SNTB1: variants seen among roughly 807,000 people sequenced by gnomAD.
SNTB1 encodes the protein syntrophin beta 1, also known as beta-1-syntrophin.
Under a neutral mutation model 48.9 loss-of-function variants are expected in SNTB1, and 36 were observed. The ratio of observed to expected loss-of-function variants is 0.74; its 90% CI spans 0.56 to 0.97. The LOEUF (loss-of-function observed/expected upper bound fraction) is 0.97. Ranked by LOEUF, SNTB1 falls within the 50% of genes least tolerant of loss-of-function variation. SNTB1 has a pLI of 0.00. For synonymous variants in SNTB1, 299 were observed against 294.6 expected, an observed-to-expected ratio of 1.01 and a Z score of -0.15; for missense variants, 786 against 703.4, an observed-to-expected ratio of 1.12 and a Z score of -1.33.
intron 1 of SNTB1, chr8:120,769,228 G>C (rs1819578313): frequency 6.6e-6 from 1 of 150,456 alleles, no homozygotes; most frequent in East Asian, 2.0e-4. Context: ...CACCAATAGA[G>C]TTGATTATTT....
At chr8:120,719,185 G>A (rs1818612205) in intron 1 of SNTB1, among the ~76,000 whole-genome samples, 1 of 152,096 alleles carries the variant, frequency 6.6e-6, no homozygotes, top group Non-Finnish European at 1.5e-5. Context: ...TGAGTCAGTG[G>A]GCTGAGAAAG....
At chr8:120,661,926 G>A (rs537432527) in intron 2 of SNTB1, among the ~76,000 whole-genome samples, 1 of 152,274 alleles carries the variant, frequency 6.6e-6, no homozygotes, top group South Asian at 2.1e-4. Context: ...TGTGCTGGAG[G>A]CAATTTTAAC....
intron 1 of SNTB1, among the ~76,000 whole-genome samples, chr8:120,789,229 G>A (rs1007806424): frequency 6.6e-6 from 1 of 151,870 alleles, no homozygotes; most frequent in East Asian, 1.9e-4. Context: ...AAACCTCTGG[G>A]ATATAGCAAA....
In SNTB1 at chr8:120,753,114, T is replaced by A. The variant is rs572845515; in HGVS notation, c.571+58159A>T. 2.0e-5 allele frequency among the ~76,000 whole-genome samples: 3 copies of A among 151,620 alleles called. No individual in the cohort carries two copies. In the East Asian group the frequency reaches 5.9e-4, roughly 30 times the overall value. ...GTGTTTCAGAGGCCCTGGAGGAACA[T>A]CACAGTTGGGCCATCACAGGCAGTT... On this transcript the variant is annotated intron_variant, in intron 1 of 6. Transcript: ENST00000517992.
chr8:120,789,080 C>G (rs959741206), intron 1 of SNTB1, among the ~76,000 whole-genome samples: 1 of 151,880 alleles, frequency 6.6e-6, no homozygotes, highest in Non-Finnish European at 1.5e-5. Flanking sequence ...GAAATCAATT[C>G]CAAAAGTAAC....
At chr8:120,749,796 G>A (rs1819181783) in intron 1 of SNTB1, among the ~76,000 whole-genome samples, 1 of 152,134 alleles carries the variant, frequency 6.6e-6, no homozygotes, top group Non-Finnish European at 1.5e-5. Context: ...GGAAAGGTCT[G>A]TGCTGCTCTT....
intron 3 of SNTB1, among the ~76,000 whole-genome samples, chr8:120,614,884 T>C (rs1461792078): frequency 1.4e-5 from 2 of 147,854 alleles, no homozygotes; most frequent in East Asian, 2.0e-4. Context: ...TTTATTAAGA[T>C]GATCCCAGCT....
intron 3 of SNTB1, among the ~76,000 whole-genome samples, chr8:120,619,875 C>A (rs964386954): frequency 6.6e-6 from 1 of 152,158 alleles, no homozygotes; most frequent in Admixed American, 6.5e-5. Flanking sequence ...AAGACACACA[C>A]ATTTTTGTAA....
chr8:120,748,352 A>G (rs566655424), intron 1 of SNTB1, among the ~76,000 whole-genome samples: 4 of 152,292 alleles, frequency 2.6e-5, no homozygotes, highest in African/African-American at 7.2e-5. Flanking sequence ...ATGACAAAAT[A>G]TAAAAAATTT....
At chr8:120,595,219 G>A (rs1350053807) in intron 3 of SNTB1, among the ~76,000 whole-genome samples, 1 of 152,136 alleles carries the variant, frequency 6.6e-6, no homozygotes, top group Non-Finnish European at 1.5e-5. Flanking sequence ...CTACTGGGCT[G>A]CATTCCCAGA....
At chr8:120,649,168 G>A (rs1289584429) in intron 2 of SNTB1, among the ~76,000 whole-genome samples, 9 of 150,820 alleles carry the variant, frequency 6.0e-5, no homozygotes, top group African/African-American at 2.4e-5. Flanking sequence ...CTCTCAGCTC[G>A]TCAAAGTCAT....
At chr8:120,807,709 T>C (rs111820885) in intron 1 of SNTB1, among the ~76,000 whole-genome samples, 58 of 152,226 alleles carry the variant, frequency 3.8e-4, no homozygotes, top group African/African-American at 1.3e-3. Context: ...CCCACACAAT[T>C]GCTGTTTCCT....
intron 3 of SNTB1, among the ~76,000 whole-genome samples, chr8:120,619,703 T>C (rs1208636265): frequency 2.6e-5 from 4 of 152,220 alleles, no homozygotes; most frequent in Non-Finnish European, 5.9e-5. Context: ...CAGTTTTTAC[T>C]CTGTGTGACC....
At chr8:120,795,256 AAC>A (rs1206489732) in intron 1 of SNTB1, among the ~76,000 whole-genome samples, 3 of 151,966 alleles carry the variant, frequency 2.0e-5, no homozygotes, top group Admixed American at 1.3e-4. Flanking sequence ...TAAAAAAAAA[AAC>A]AAAAAACAAA....
intron 5 of SNTB1, among the ~76,000 whole-genome samples, chr8:120,542,712 A>C (rs1214086015): frequency 2.0e-5 from 1 of 49,774 alleles, no homozygotes; most frequent in East Asian, 5.5e-4. Context: ...CTTATCATCC[A>C]CACACACACA....
chr8:120,620,833 C>T (rs1816782476), intron 3 of SNTB1, among the ~76,000 whole-genome samples: 1 of 152,120 alleles, frequency 6.6e-6, no homozygotes, highest in Non-Finnish European at 1.5e-5. Context: ...TTTTCCAATG[C>T]CTCTTATGAG....
At chr8:120,656,642 T>C (rs1369637128) in intron 2 of SNTB1, among the ~76,000 whole-genome samples, 1 of 152,216 alleles carries the variant, frequency 6.6e-6, no homozygotes, top group East Asian at 1.9e-4. Flanking sequence ...CTTACATTGA[T>C]AAATAATCTA....
At chr8:120,581,580 G>A (rs1040672326) in intron 3 of SNTB1, among the ~76,000 whole-genome samples, 3 of 152,008 alleles carry the variant, frequency 2.0e-5, no homozygotes, top group Non-Finnish European at 4.4e-5. Context: ...CTCCAGCCTC[G>A]GCAACAGAGT....
At chr8:120,642,883 C>T (rs1281545911) in intron 2 of SNTB1, among the ~76,000 whole-genome samples, 1 of 152,156 alleles carries the variant, frequency 6.6e-6, no homozygotes, top group Non-Finnish European at 1.5e-5. Context: ...TGCACTCCAG[C>T]CTGGGTGACA....
Sources: gnomAD v4.1 joint callset for allele counts (sites outside exome capture counted in the v4.1 genomes callset) on GRCh38, gnomAD v4.1.1 for gene constraint, MANE v1.5 for transcripts, NCBI Gene and HGNC (gene_info 2026-07-23, HGNC 2026-07-21) for gene names.